ZFHX4: variants seen among roughly 807,000 people sequenced by gnomAD.
The protein encoded by ZFHX4 is zinc finger homeobox protein 4.
ZFHX4 carries 56 observed loss-of-function variants against 267.6 expected under a neutral mutation model. That is an observed-to-expected ratio of 0.21 (90% CI 0.17 to 0.26). The LOEUF is 0.26. ZFHX4 is among the 10% of genes least tolerant of loss of function. The pLI is 1.00. For missense variants in ZFHX4, 4,332 were observed against 4,420.0 expected (o/e 0.98, Z 0.56); for synonymous variants, 1,778 against 1,665.6 (o/e 1.07, Z -1.64).
chr8:76,735,346 G>A (rs563760415), intron 3 of ZFHX4, among the ~76,000 whole-genome samples: 1 of 151,978 alleles, frequency 6.6e-6, no homozygotes, highest in East Asian at 1.9e-4. Context: ...AAGAATATCC[G>A]GGAAGTAAAC....
intron 4 of ZFHX4, among the ~76,000 whole-genome samples, chr8:76,824,049 T>C (rs1325867197): frequency 6.6e-6 from 1 of 152,208 alleles, no homozygotes; most frequent in African/African-American, 2.4e-5. Context: ...AGAAGGTAAT[T>C]GTATCCCGAT....
chr8:76,689,668 G>A (rs1807776928), intron 1 of ZFHX4, among the ~76,000 whole-genome samples: 1 of 152,078 alleles, frequency 6.6e-6, no homozygotes, highest in South Asian at 2.1e-4. Flanking sequence ...AGTTTCAGAG[G>A]TTCACAAGTT....
At chr8:76,782,238 G>T (rs1362998928) in intron 4 of ZFHX4, 3 of 421,410 alleles carry the variant, frequency 7.1e-6, no homozygotes, top group African/African-American at 4.1e-5. Flanking sequence ...ATAGATGTGA[G>T]GAATTTCTGG....
chr8:76,772,270 TTTGGTTGCC>T (rs1317208343), intron 3 of ZFHX4, among the ~76,000 whole-genome samples: 1 of 152,152 alleles, frequency 6.6e-6, no homozygotes, highest in East Asian at 1.9e-4. Context: ...TTTGTTGAAT[TTTGGTTGCC>T]TTGAGAGATT....
At chr8:76,836,956 G>GGATGAC in intron 5 of ZFHX4, among the ~76,000 whole-genome samples, 1 of 151,990 alleles carries the variant, frequency 6.6e-6, no homozygotes, top group Non-Finnish European at 1.5e-5. Context: ...GAAGACTAAG[G>GGATGAC]GATGACTCTT....
Position 76,864,321 on chromosome 8 carries a change from G to T in ZFHX4, c.10607G>T (p.Arg3536Met). The T allele has an allele frequency of 6.2e-7, 1 of 1,613,784 alleles. No individual in the cohort carries two copies. Among genetic ancestry groups the T allele is most frequent in the Non-Finnish European group, 8.5e-7 (1 of 1,179,852 alleles). Residue 3536 changes from arginine (R) to methionine (M), a missense_variant, in exon 11 of 11, where the codon AGG becomes ATG. Physicochemically the swap from Arg to Met is moderately conservative, Grantham distance 91. Transcript: ENST00000651372. ...AATATCCTTTTCCAAGCGTCTGCCA[G>T]GAGAGCTGCTTCTCCCCCTTCTTCT... The part of the protein sequence containing the change: ...WPNILFQASA[R>M]RAASPPSSPP...
Position 76,848,980 on chromosome 8 carries a change from C to T in ZFHX4, c.3512-15C>T, listed in dbSNP as rs1433574445. ...TGTTTTTAAATTGAATTGTTCTATT[C>T]TTTTTGGGAATCAGGGATAATCACA... On this transcript the variant is annotated splice_polypyrimidine_tract_variant and intron_variant, in intron 6 of 10. Coordinates refer to ENST00000651372, the MANE Select transcript of ZFHX4 (RefSeq NM_024721.5). 6.7e-7 allele frequency: 1 copy of T among 1,503,578 alleles called. No individual in the cohort carries two copies. The highest frequency in any genetic ancestry group is 8.9e-7 in the Non-Finnish European group (1 of 1,129,324). The allele number at this position is 1,503,578 out of a possible 1,614,324, so 93.1% of individuals were successfully genotyped here. A position where few individuals can be genotyped will look rare whatever the true frequency, so the allele number is the denominator to read the frequency against.
chr8:76,741,980 A>C (rs1366009942), intron 3 of ZFHX4, among the ~76,000 whole-genome samples: 1 of 152,170 alleles, frequency 6.6e-6, no homozygotes, highest in Non-Finnish European at 1.5e-5. Context: ...TTTTCAGTAG[A>C]ATCTCAGAAA....
At chr8:76,794,766 G>A (rs1054988291) in intron 4 of ZFHX4, among the ~76,000 whole-genome samples, 18 of 149,586 alleles carry the variant, frequency 1.2e-4, no homozygotes, top group African/African-American at 4.4e-4. Context: ...TTTAAAGGTA[G>A]CCGTTTTAAT....
chr8:76,681,939 T>C (rs957575999), intron 1 of ZFHX4, among the ~76,000 whole-genome samples: 7 of 152,192 alleles, frequency 4.6e-5, no homozygotes, highest in Non-Finnish European at 1.0e-4. Flanking sequence ...GGCTGCGTTT[T>C]TCCGGATTTA....
chr8:76,806,260 C>T lies in ZFHX4; in HGVS notation c.3326-27078C>T, dbSNP rs61082219. ...TGCCTAGCTCCAAACCATTTGATGTCTTATGTTATTAAGATGATAACGAGT... is the reference window on the plus strand; with the variant it reads ...TGCCTAGCTCCAAACCATTTGATGTTTTATGTTATTAAGATGATAACGAGT... On this transcript the variant is annotated intron_variant, in intron 4 of 10. Transcript: ENST00000651372. 4.7e-3 allele frequency among the ~76,000 whole-genome samples: 715 copies of T among 152,128 alleles called. 6 individuals carry two copies. Among genetic ancestry groups the T allele is most frequent in the African/African-American group, 0.017 (697 of 41,508 alleles).
At chr8:76,830,501 AG>A (rs1811905705) in intron 4 of ZFHX4, among the ~76,000 whole-genome samples, 1 of 152,250 alleles carries the variant, frequency 6.6e-6, no homozygotes, top group African/African-American at 2.4e-5. Context: ...TATCATTACT[AG>A]GTTTTAAACA....
At chr8:76,700,404 G>A (rs1808072663) in intron 1 of ZFHX4, among the ~76,000 whole-genome samples, 1 of 152,068 alleles carries the variant, frequency 6.6e-6, no homozygotes, top group Non-Finnish European at 1.5e-5. Context: ...CCGTAGAAGA[G>A]GGCTGGGACA....
At chr8:76,708,311 A>C in intron 3 of ZFHX4, 1 of 489,548 alleles carries the variant, frequency 2.0e-6, no homozygotes, top group Non-Finnish European at 3.6e-6. Context: ...AAATAAAAGA[A>C]TTTGGGGGAT....
intron 4 of ZFHX4, among the ~76,000 whole-genome samples, chr8:76,800,030 T>C (rs1811077937): frequency 6.6e-6 from 1 of 152,040 alleles, no homozygotes; most frequent in South Asian, 2.1e-4. Flanking sequence ...ATTGGATTCC[T>C]TCAGAAAGCG....
rs749302554 is a variant in ZFHX4 at position 76,851,334 on chromosome 8, A to G, written c.4413A>G (p.Ala1471=). ...TGCCCGTGAATGGAGAACTGTGGGCAGAGAGCGAAACTATGTCCCAGGATG... is the reference window on the plus strand; with the variant it reads ...TGCCCGTGAATGGAGAACTGTGGGCGGAGAGCGAAACTATGTCCCAGGATG... ...ASLPVNGELW[A]ESETMSQDDH... is the part of the protein sequence containing the mutation. Residue 1471 remains alanine (A), a synonymous_variant, in exon 10 of 11, where the codon GCA becomes GCG. Transcript: ENST00000651372. 6.2e-7 allele frequency: 1 copy of G among 1,613,714 alleles called. No homozygotes were observed. Among genetic ancestry groups the G allele is most frequent in the African/African-American group, 1.3e-5 (1 of 74,942 alleles).
At chr8:76,764,802 A>C (rs1810009754) in intron 3 of ZFHX4, among the ~76,000 whole-genome samples, 1 of 152,176 alleles carries the variant, frequency 6.6e-6, no homozygotes, top group Admixed American at 6.6e-5. Context: ...TTTTGCGGTT[A>C]TATTATTAAA....
intron 1 of ZFHX4, among the ~76,000 whole-genome samples, chr8:76,688,799 C>G (rs538199215): frequency 6.6e-6 from 1 of 152,070 alleles, no homozygotes; most frequent in African/African-American, 2.4e-5. Flanking sequence ...AATGATCCAC[C>G]GATGGCTGTC....
At chr8:76,845,460 G>T (rs964199369) in intron 6 of ZFHX4, among the ~76,000 whole-genome samples, 1 of 151,900 alleles carries the variant, frequency 6.6e-6, no homozygotes, top group Non-Finnish European at 1.5e-5. Context: ...CTTCATTATT[G>T]CAATTAAAAT....
Sources: gnomAD v4.1 joint callset for allele counts (sites outside exome capture counted in the v4.1 genomes callset) on GRCh38, gnomAD v4.1.1 for gene constraint, MANE v1.5 for transcripts, NCBI Gene and HGNC (gene_info 2026-07-23, HGNC 2026-07-21) for gene names.